The following RBM28 variants were observed in gnomAD, a reference collection of about 807,000 sequenced individuals.
RBM28 encodes the protein RNA-binding protein 28.
Under a neutral mutation model 98.3 loss-of-function variants are expected in RBM28, and 78 were observed. The ratio of observed to expected loss-of-function variants is 0.79; its 90% CI spans 0.66 to 0.96. The LOEUF (loss-of-function observed/expected upper bound fraction) is 0.96, where lower values mean the gene tolerates loss of function less well. Among genes scored for constraint, RBM28 ranks in the 40% least tolerant of loss-of-function variants. The pLI, the probability that RBM28 is intolerant of heterozygous loss-of-function variation, is 0.00. For synonymous variants in RBM28, 306 were observed against 330.9 expected, an observed-to-expected ratio of 0.92 and a Z score of 0.82; for missense variants, 838 against 913.0, an observed-to-expected ratio of 0.92 and a Z score of 1.06.
chr7:128,314,749 C>T lies in RBM28; in HGVS notation c.2045+15G>A, dbSNP rs759595278. The T allele has an allele frequency of 1.2e-5, 20 of 1,614,084 alleles. No homozygotes were observed. Among genetic ancestry groups the T allele is most frequent in the Non-Finnish European group, 1.7e-5 (20 of 1,180,058 alleles). ...CCCACCCACTGTTCTGTGCTTCTGC[C>T]CTCCTGCATCTCACCTGATTTTGGG... On this transcript the variant is annotated intron_variant, in intron 17 of 18. Coordinates refer to ENST00000223073, the MANE Select transcript of RBM28 (RefSeq NM_018077.3).
chr7:128,327,029 G>C (rs966143858), intron 10 of RBM28, among the ~76,000 whole-genome samples: 3 of 151,816 alleles, frequency 2.0e-5, no homozygotes, highest in African/African-American at 4.8e-5. Flanking sequence ...CCCAGCTACC[G>C]AGAAAGCTGA....
chr7:128,342,494 C>T (rs1274874515), intron 1 of RBM28, among the ~76,000 whole-genome samples: 2 of 152,180 alleles, frequency 1.3e-5, no homozygotes, highest in Middle Eastern at 3.4e-3. Context: ...CAACCCTGGC[C>T]AACATAGCGA....
At position 128,324,699 on chromosome 7, in the gene RBM28, A is replaced by T. The variant is rs966155530; in HGVS notation, c.1204-5T>A. Reference sequence around the variant, plus strand: ...ATCCAGTTTAAGCCCACCAGCCTGTAACAGATCACAACCCTTTCTTAAAAC... The same window carrying T: ...ATCCAGTTTAAGCCCACCAGCCTGTTACAGATCACAACCCTTTCTTAAAAC... On this transcript the variant is annotated splice_polypyrimidine_tract_variant and splice_region_variant and intron_variant, in intron 11 of 18. Coordinates refer to ENST00000223073, the MANE Select transcript of RBM28 (RefSeq NM_018077.3). 6.2e-7 allele frequency: 1 copy of T among 1,614,054 alleles called. No individual in the cohort carries two copies. The highest frequency in any genetic ancestry group is 1.3e-5 in the African/African-American group (1 of 74,920).
intron 8 of RBM28, 78 bp from the exon 9 acceptor site, chr7:128,333,440 T>C (rs144451879): frequency 6.5e-6 from 8 of 1,234,394 alleles, no homozygotes; most frequent in East Asian, 2.4e-5. Context: ...CTTAAGTACA[T>C]AAAGATAAGC....
At chr7:128,318,894 G>A (rs1222759289) in intron 14 of RBM28, among the ~76,000 whole-genome samples, 1 of 152,154 alleles carries the variant, frequency 6.6e-6, no homozygotes, top group East Asian at 1.9e-4. Flanking sequence ...AGGCCTGATG[G>A]CTTTAGATAA....
At chr7:128,332,648 A>G (rs1002623885) in intron 9 of RBM28, among the ~76,000 whole-genome samples, 2 of 152,154 alleles carry the variant, frequency 1.3e-5, no homozygotes, top group African/African-American at 2.4e-5. Flanking sequence ...CACCGCACCC[A>G]AGAAAATAAT....
chr7:128,312,964 A>T (rs1796018803), intron 18 of RBM28: 1 of 587,972 alleles, frequency 1.7e-6, no homozygotes. Flanking sequence ...AAACAAGGAG[A>T]CTGCTGAAAC....
Position 128,315,003 on chromosome 7 carries a change from C to A in RBM28, c.1806G>T (p.Lys602Asn), listed in dbSNP as rs1796077071. ...CCTTCTGAGGCTCACCAGTTGCAGG[C>A]TTGGATCTCATTTTTTGCTGCATAA... The part of the protein sequence containing the change: ...IQRSLQKMRS[K>N]PATGEPQKGQ... The change falls in exon 17 of 19, where the codon AAG (lysine) becomes AAT (asparagine). Residue 602 changes from lysine to asparagine, a missense_variant. Coordinates refer to ENST00000223073, the MANE Select transcript of RBM28 (RefSeq NM_018077.3). 1 of 1,614,188 alleles carries A rather than the reference C, an allele frequency of 6.2e-7. No individual in the cohort carries two copies. Among genetic ancestry groups the A allele is most frequent in the Non-Finnish European group, 8.5e-7 (1 of 1,180,036 alleles).
At chr7:128,314,052 T>C (rs995133509) in intron 17 of RBM28, among the ~76,000 whole-genome samples, 12 of 152,040 alleles carry the variant, frequency 7.9e-5, no homozygotes, top group Non-Finnish European at 1.6e-4. Flanking sequence ...AAGCTCCGCC[T>C]CCCGGGTTCA....
chr7:128,332,529 A>G (rs933410376), intron 9 of RBM28, among the ~76,000 whole-genome samples: 1 of 151,864 alleles, frequency 6.6e-6, no homozygotes, highest in African/African-American at 2.4e-5. Context: ...CAATTTTTGT[A>G]TTTTTAGTAA....
chr7:128,315,018 T>C lies in RBM28; in HGVS notation c.1791A>G (p.Gln597=). 1 of 1,614,216 alleles carries C rather than the reference T, an allele frequency of 6.2e-7. No individual in the cohort carries two copies. The highest frequency in any genetic ancestry group is 8.5e-7 in the Non-Finnish European group (1 of 1,180,036). The part of the protein sequence containing the change: ...MKELRIQRSL[Q]KMRSKPATGE... ...CAGTTGCAGGCTTGGATCTCATTTT[T>C]TGCTGCATAAAACAAGAAAATGCCA... Residue 597 remains glutamine (Q), a splice_region_variant and synonymous_variant, in exon 17 of 19, where the codon CAA becomes CAG. Transcript: ENST00000223073.
At chr7:128,314,409 T>C (rs1202816273) in intron 17 of RBM28, among the ~76,000 whole-genome samples, 1 of 152,224 alleles carries the variant, frequency 6.6e-6, no homozygotes, top group Admixed American at 6.5e-5. Context: ...TTAACAAATA[T>C]TTTGTAAAGA....
Position 128,310,675 on chromosome 7 carries a change from C to G in RBM28, c.*122G>C. 7.5e-7 allele frequency: 1 copy of G among 1,327,160 alleles called. No homozygotes were observed. Among genetic ancestry groups the G allele is most frequent in the Non-Finnish European group, 1.1e-6 (1 of 931,096 alleles). The allele number at this position is 1,327,160 out of a possible 1,614,324, so 82.2% of individuals were successfully genotyped here. ...GTACACAGTCCAGGGCACCTCCGAG[C>G]ACAGTGGCAGTGCCCTTGGGGATTT... On this transcript the variant is annotated 3_prime_UTR_variant, in exon 19 of 19. Coordinates refer to ENST00000223073, the MANE Select transcript of RBM28 (RefSeq NM_018077.3).
chr7:128,321,558 C>T (rs1796235172), intron 13 of RBM28, 134 bp from the exon 14 acceptor site: 2 of 1,097,908 alleles, frequency 1.8e-6, no homozygotes, highest in Admixed American at 3.9e-5. Context: ...ACTGCCCACA[C>T]CGCAGCTTTA....
intron 16 of RBM28, 146 bp from the exon 17 acceptor site, chr7:128,315,166 A>G: frequency 3.3e-6 from 4 of 1,225,146 alleles, no homozygotes; most frequent in South Asian, 1.3e-5. Context: ...AAGTGAATAC[A>G]TGTAGATCAC....
At chr7:128,334,422 T>C (rs1676048552) in intron 8 of RBM28, among the ~76,000 whole-genome samples, 1 of 152,200 alleles carries the variant, frequency 6.6e-6, no homozygotes. Context: ...CAGAGTCCCT[T>C]CAGTGTAGAA....
chr7:128,316,205 T>A (rs4731441), intron 16 of RBM28, among the ~76,000 whole-genome samples: 67,616 of 151,892 alleles, frequency 0.45, 15,283 homozygotes, highest in East Asian at 0.61. Context: ...AGAGATGCAT[T>A]CACAAATAAA....
At chr7:128,327,043 G>A (rs947313533) in intron 10 of RBM28, among the ~76,000 whole-genome samples, 2 of 151,992 alleles carry the variant, frequency 1.3e-5, no homozygotes, top group Non-Finnish European at 2.9e-5. Context: ...AAGCTGAGGT[G>A]GGAGGATGAC....
chr7:128,333,702 G>C (rs555503866), intron 8 of RBM28, among the ~76,000 whole-genome samples: 40 of 152,216 alleles, frequency 2.6e-4, no homozygotes, highest in South Asian at 1.0e-3. Context: ...ACGGTGACAA[G>C]AGCGAAACAA....
Sources: gnomAD v4.1 joint callset for allele counts (sites outside exome capture counted in the v4.1 genomes callset) on GRCh38, gnomAD v4.1.1 for gene constraint, MANE v1.5 for transcripts, NCBI Gene and HGNC (gene_info 2026-07-23, HGNC 2026-07-21) for gene names.